Variants in NKAIN3 observed in about 807,000 individuals in gnomAD.
NKAIN3 encodes the protein sodium/potassium-transporting ATPase subunit beta-1-interacting protein 3.
NKAIN3 carries 25 observed loss-of-function variants against 30.2 expected under a neutral mutation model. The ratio of observed to expected loss-of-function variants is 0.83; its 90% CI spans 0.60 to 1.16. NKAIN3 has a LOEUF of 1.16. NKAIN3 is among the 50% of genes most tolerant of loss of function. The pLI is 0.00. For synonymous variants in NKAIN3, 91 were observed against 89.6 expected (o/e 1.02, Z -0.09); for missense variants, 225 against 254.1 (o/e 0.89, Z 0.78).
intron 1 of NKAIN3, among the ~76,000 whole-genome samples, chr8:62,528,103 C>T (rs893107200): frequency 1.3e-5 from 2 of 150,720 alleles, no homozygotes; most frequent in African/African-American, 4.9e-5. Flanking sequence ...CACTTCCAGT[C>T]CAGTTCAGGC....
At chr8:62,897,597 T>C (rs1472527995) in intron 4 of NKAIN3, among the ~76,000 whole-genome samples, 1 of 152,096 alleles carries the variant, frequency 6.6e-6, no homozygotes, top group Non-Finnish European at 1.5e-5. Context: ...TGATCCAAGG[T>C]GCTATGGTTT....
rs73259280 is a variant in NKAIN3 at position 62,417,957 on chromosome 8, G to A, written c.55-161582G>A. On this transcript the variant is annotated intron_variant, in intron 1 of 6. Transcript: ENST00000623646. Reference sequence around the variant, plus strand: ...AGAGGATGAAGAACAGTGGAGTGAAGGAGAGAAGTGAGAAACCAATGAGAT... The same window carrying A: ...AGAGGATGAAGAACAGTGGAGTGAAAGAGAGAAGTGAGAAACCAATGAGAT... Among the ~76,000 whole-genome samples, 333 of 152,268 alleles carry A rather than the reference G, an allele frequency of 2.2e-3. 2 individuals are homozygous for A. Among genetic ancestry groups the A allele is most frequent in the African/African-American group, 7.1e-3 (293 of 41,548 alleles).
At chr8:62,505,415 T>C (rs1807600023) in intron 1 of NKAIN3, among the ~76,000 whole-genome samples, 1 of 152,190 alleles carries the variant, frequency 6.6e-6, no homozygotes, top group Non-Finnish European at 1.5e-5. Context: ...CTCCTGGTAC[T>C]AAAGTTTGAG....
intron 1 of NKAIN3, among the ~76,000 whole-genome samples, chr8:62,541,603 A>T (rs968111480): frequency 6.6e-6 from 1 of 152,014 alleles, no homozygotes; most frequent in African/African-American, 2.4e-5. Context: ...TTCTTTCCTT[A>T]AAAACTTCCA....
chr8:62,927,243 C>CA (rs1822479299), intron 5 of NKAIN3, among the ~76,000 whole-genome samples: 1 of 152,096 alleles, frequency 6.6e-6, no homozygotes, highest in Non-Finnish European at 1.5e-5. Context: ...CAGAGGCCAG[C>CA]AGGGACTTCC....
chr8:62,856,570 G>A lies in NKAIN3; in HGVS notation c.472-61883G>A, dbSNP rs182652352. 1.0e-3 allele frequency: 791 copies of A among 784,586 alleles called. 2 individuals are homozygous for A. The highest frequency in any genetic ancestry group is 6.2e-3 in the Middle Eastern group (17 of 2,728). The allele number at this position is 784,586 out of a possible 1,614,324, so 48.6% of individuals were successfully genotyped here. Reference sequence around the variant, plus strand: ...GGCTTAGGCACTGTCATTGCCATGGGGTTGTCTTCATTGGTGAACAGCATG... The same window carrying A: ...GGCTTAGGCACTGTCATTGCCATGGAGTTGTCTTCATTGGTGAACAGCATG... On this transcript the variant is annotated intron_variant, in intron 4 of 6. Transcript: ENST00000623646.
chr8:62,299,975 GAGT>G lies in NKAIN3; in HGVS notation c.54+50855_54+50857del, dbSNP rs147479723. On this transcript the variant is annotated intron_variant, in intron 1 of 6. Coordinates refer to ENST00000623646, the MANE Select transcript of NKAIN3 (RefSeq NM_001304533.3). Reference sequence around the variant, plus strand: ...GTACATTTTAAATAAGAAATTTGGAGAGTAGTAGTGTTGTATTTAAAATCATGA... The same window carrying G: ...GTACATTTTAAATAAGAAATTTGGAGAGTAGTGTTGTATTTAAAATCATGA... 1.5e-3 allele frequency among the ~76,000 whole-genome samples: 225 copies of G among 152,248 alleles called. 3 individuals are homozygous for G. The East Asian group carries it at 0.031, about 21-fold the overall frequency.
At chr8:62,855,280 G>C in intron 4 of NKAIN3, 2 of 494,828 alleles carry the variant, frequency 4.0e-6, no homozygotes, top group East Asian at 8.2e-5. Flanking sequence ...AGTGTGGAAG[G>C]GCAGCTGGTC....
chr8:62,833,188 A>T (rs908388929), intron 4 of NKAIN3, among the ~76,000 whole-genome samples: 1 of 152,110 alleles, frequency 6.6e-6, no homozygotes. Context: ...ATGCAGCAAA[A>T]GCAGTGTTAA....
intron 1 of NKAIN3, among the ~76,000 whole-genome samples, chr8:62,541,069 G>A (rs1808823263): frequency 6.6e-6 from 1 of 152,134 alleles, no homozygotes; most frequent in South Asian, 2.1e-4. Context: ...CAGAACTTTG[G>A]GAGGCTGAGG....
chr8:62,322,732 G>GA (rs1814978090), intron 1 of NKAIN3, among the ~76,000 whole-genome samples: 1 of 152,094 alleles, frequency 6.6e-6, no homozygotes, highest in Non-Finnish European at 1.5e-5. Context: ...ATTTAAATTG[G>GA]ATCATGCTAC....
chr8:62,600,253 C>T (rs1215648608), intron 3 of NKAIN3, among the ~76,000 whole-genome samples: 1 of 151,980 alleles, frequency 6.6e-6, no homozygotes, highest in Non-Finnish European at 1.5e-5. Context: ...ACCTGTACAA[C>T]TGTGCATAAG....
intron 1 of NKAIN3, among the ~76,000 whole-genome samples, chr8:62,377,709 G>T (rs1817134527): frequency 6.6e-6 from 1 of 152,056 alleles, no homozygotes; most frequent in African/African-American, 2.4e-5. Context: ...AGATCTGATG[G>T]TTTTGTGAGT....
At chr8:62,697,627 GAACA>G (rs1370575161) in intron 3 of NKAIN3, among the ~76,000 whole-genome samples, 2 of 151,956 alleles carry the variant, frequency 1.3e-5, no homozygotes, top group Non-Finnish European at 2.9e-5. Flanking sequence ...CCAACTTCTA[GAACA>G]TATGCTCTTG....
chr8:62,275,780 G>A (rs1274942571), intron 1 of NKAIN3, among the ~76,000 whole-genome samples: 2 of 152,052 alleles, frequency 1.3e-5, no homozygotes, highest in African/African-American at 4.8e-5. Context: ...CATAATGTGA[G>A]TCTTTAAATT....
intron 1 of NKAIN3, among the ~76,000 whole-genome samples, chr8:62,540,573 T>A (rs1467713214): frequency 6.6e-6 from 1 of 152,172 alleles, no homozygotes; most frequent in Non-Finnish European, 1.5e-5. Flanking sequence ...ACACATTGGC[T>A]CTTCTATAAA....
At chr8:62,948,053 G>A (rs372325341) in intron 5 of NKAIN3, among the ~76,000 whole-genome samples, 8 of 152,296 alleles carry the variant, frequency 5.3e-5, no homozygotes, top group East Asian at 1.9e-4. Context: ...AGCAACTGCC[G>A]CTTAGAGGTT....
At chr8:62,803,362 A>C (rs1246210292) in intron 4 of NKAIN3, among the ~76,000 whole-genome samples, 1 of 152,174 alleles carries the variant, frequency 6.6e-6, no homozygotes, top group Non-Finnish European at 1.5e-5. Flanking sequence ...ACATAGTTGG[A>C]AGTAAAGCTC....
At chr8:62,383,432 T>C (rs1817334560) in intron 1 of NKAIN3, 1 of 450,516 alleles carries the variant, frequency 2.2e-6, no homozygotes, top group Admixed American at 2.4e-5. Context: ...CTCACTGTTA[T>C]TCCCTACTAA....
Sources: gnomAD v4.1 joint callset for allele counts (sites outside exome capture counted in the v4.1 genomes callset) on GRCh38, gnomAD v4.1.1 for gene constraint, MANE v1.5 for transcripts, NCBI Gene and HGNC (gene_info 2026-07-23, HGNC 2026-07-21) for gene names.